KCNH1: variants seen among roughly 807,000 people sequenced by gnomAD.
The protein encoded by KCNH1 is voltage-gated delayed rectifier potassium channel KCNH1.
A neutral mutation model predicts 69.2 loss-of-function variants in KCNH1; 27 were observed. The ratio of observed to expected loss-of-function variants is 0.39; its 90% CI spans 0.29 to 0.54. The LOEUF (loss-of-function observed/expected upper bound fraction) is 0.54, where lower values mean the gene tolerates loss of function less well. Among genes scored for constraint, KCNH1 ranks in the 20% least tolerant of loss-of-function variants. KCNH1 has a pLI of 0.68. For missense variants in KCNH1, 798 were observed against 1,261.6 expected (o/e 0.63, Z 5.57); for synonymous variants, 456 against 487.7 (o/e 0.93, Z 0.86).
chr1:210,747,070 G>C (rs1283544450), intron 10 of KCNH1, among the ~76,000 whole-genome samples: 2 of 152,206 alleles, frequency 1.3e-5, no homozygotes, highest in African/African-American at 2.4e-5. Flanking sequence ...AACAGGGGAA[G>C]AGAAGGCCAG....
At chr1:211,031,647 C>T (rs1689787524) in intron 5 of KCNH1, among the ~76,000 whole-genome samples, 1 of 152,032 alleles carries the variant, frequency 6.6e-6, no homozygotes, top group African/African-American at 2.4e-5. Flanking sequence ...TAAACAGAAC[C>T]AACGACAAAA....
intron 9 of KCNH1, among the ~76,000 whole-genome samples, chr1:210,782,139 T>C (rs1208656911): frequency 6.6e-6 from 1 of 152,120 alleles, no homozygotes; most frequent in African/African-American, 2.4e-5. Flanking sequence ...GAAACACCCA[T>C]CGTAATTGGA....
chr1:211,065,266 A>C lies in KCNH1; in HGVS notation c.558+17514T>G, dbSNP rs59601089. 1.6e-3 allele frequency among the ~76,000 whole-genome samples: 245 copies of C among 152,358 alleles called. 1 individual carries two copies. Among genetic ancestry groups the C allele is most frequent in the African/African-American group, 5.5e-3 (227 of 41,584 alleles). ...CCAACAACAGATGAACAGATAAACA[A>C]AATGTGGCACATATACTACAACGGA... On this transcript the variant is annotated intron_variant, in intron 5 of 10. Transcript: ENST00000271751.
chr1:210,907,815 A>G (rs1687147065), intron 7 of KCNH1, among the ~76,000 whole-genome samples: 1 of 152,196 alleles, frequency 6.6e-6, no homozygotes, highest in South Asian at 2.1e-4. Flanking sequence ...AGCAGATGCT[A>G]CCAGGTGGAA....
At chr1:210,901,843 A>G (rs750633187) in intron 7 of KCNH1, among the ~76,000 whole-genome samples, 1 of 152,252 alleles carries the variant, frequency 6.6e-6, no homozygotes, top group Non-Finnish European at 1.5e-5. Flanking sequence ...AGGATCTAAT[A>G]ATCACTTGGA....
At chr1:210,770,931 C>A (rs79283153) in intron 10 of KCNH1, among the ~76,000 whole-genome samples, 29 of 152,272 alleles carry the variant, frequency 1.9e-4, no homozygotes, top group Non-Finnish European at 3.1e-4. Flanking sequence ...ATTAACCGGG[C>A]AACCTTGGAA....
chr1:210,833,327 A>C (rs557564141), intron 7 of KCNH1, among the ~76,000 whole-genome samples: 1 of 152,344 alleles, frequency 6.6e-6, no homozygotes, highest in Admixed American at 6.5e-5. Flanking sequence ...TACTGGTATC[A>C]AAACAGAGAT....
intron 7 of KCNH1, among the ~76,000 whole-genome samples, chr1:210,911,862 A>T (rs1029576910): frequency 6.6e-6 from 1 of 152,102 alleles, no homozygotes; most frequent in African/African-American, 2.4e-5. Context: ...AATAATAGGG[A>T]TATCTTCCAC....
At chr1:210,881,533 C>T (rs1686493824) in intron 7 of KCNH1, among the ~76,000 whole-genome samples, 1 of 152,178 alleles carries the variant, frequency 6.6e-6, no homozygotes, top group Non-Finnish European at 1.5e-5. Flanking sequence ...TGGTATCATA[C>T]TACTTACTCA....
At chr1:210,968,695 G>A (rs900409000) in intron 6 of KCNH1, among the ~76,000 whole-genome samples, 9 of 151,834 alleles carry the variant, frequency 5.9e-5, no homozygotes, top group East Asian at 3.9e-4. Flanking sequence ...CATGTCCTTC[G>A]CCCACTTTTT....
rs750500037 is a variant in KCNH1, at chr1:210,684,040, G to C, written c.2211C>G (p.Val737=). The change falls in exon 11 of 11, where the codon GTC becomes GTG. Residue 737 remains valine (V), a synonymous_variant. Coordinates refer to ENST00000271751, the MANE Select transcript of KCNH1 (RefSeq NM_172362.3). ...GTCGGAATCTCTGGAAGAGGCGCCG[G>C]ACAGGGTGGTCCGGGGGCAAGATCA... is the stretch of plus-strand genomic sequence containing the variant. ...APLILPPDHP[V]RRLFQRFRQQ... The C allele has an allele frequency of 1.8e-5, 29 of 1,569,354 alleles. No individual in the cohort carries two copies. In the South Asian group the frequency reaches 3.4e-4, roughly 19 times the overall value.
chr1:211,129,982 C>A (rs1020939860), intron 1 of KCNH1, among the ~76,000 whole-genome samples: 1 of 152,174 alleles, frequency 6.6e-6, no homozygotes, highest in Non-Finnish European at 1.5e-5. Context: ...AGAATGGGAC[C>A]ATTTAGAGTA....
intron 7 of KCNH1, among the ~76,000 whole-genome samples, chr1:210,823,544 A>G (rs779941559): frequency 1.3e-5 from 2 of 152,152 alleles, no homozygotes; most frequent in African/African-American, 2.4e-5. Flanking sequence ...AAACCCTCCA[A>G]ATTCTCTCTT....
chr1:211,019,382 G>T, intron 5 of KCNH1, 126 bp from the exon 6 acceptor site: 1 of 621,106 alleles, frequency 1.6e-6, no homozygotes, highest in Non-Finnish European at 2.8e-6. Context: ...ACAATAACAG[G>T]TATGAAAGAA....
At chr1:211,095,440 A>C (rs555073119) in intron 3 of KCNH1, among the ~76,000 whole-genome samples, 1 of 152,176 alleles carries the variant, frequency 6.6e-6, no homozygotes, top group South Asian at 2.1e-4. Context: ...TTTTTAGATC[A>C]CTCTGATTTT....
chr1:210,895,470 T>G (rs1303782611), intron 7 of KCNH1, among the ~76,000 whole-genome samples: 1 of 152,180 alleles, frequency 6.6e-6, no homozygotes, highest in Non-Finnish European at 1.5e-5. Flanking sequence ...TCTCAGGATC[T>G]TGGCCCTCTC....
intron 10 of KCNH1, among the ~76,000 whole-genome samples, chr1:210,714,426 C>T (rs74156040): frequency 0.035 from 5,324 of 152,118 alleles, 271 homozygotes; most frequent in African/African-American, 0.12. Flanking sequence ...GGGTTGGGGC[C>T]TCTGCTGCTT....
At chr1:210,812,089 T>C (rs1175184426) in intron 7 of KCNH1, among the ~76,000 whole-genome samples, 1 of 152,220 alleles carries the variant, frequency 6.6e-6, no homozygotes, top group Non-Finnish European at 1.5e-5. Context: ...GATGATTTTC[T>C]AGCTTCTATT....
intron 7 of KCNH1, among the ~76,000 whole-genome samples, chr1:210,917,389 G>GT (rs1412492253): frequency 6.6e-6 from 1 of 151,990 alleles, no homozygotes; most frequent in Non-Finnish European, 1.5e-5. Context: ...CAGAAGGTGG[G>GT]AAGAGAAAAG....
Sources: allele counts gnomAD v4.1 joint callset (sites outside exome capture counted in the v4.1 genomes callset), GRCh38; gene constraint gnomAD v4.1.1; transcripts MANE v1.5; gene names NCBI Gene and HGNC (gene_info 2026-07-23, HGNC 2026-07-21).